The following OXR1 variants were observed in gnomAD, a reference collection of about 807,000 sequenced individuals.
The protein encoded by OXR1 is oxidation resistance 1, also known as oxidation resistance protein 1.
OXR1 carries 41 observed loss-of-function variants against 104.6 expected under a neutral mutation model. That is an observed-to-expected ratio of 0.39 (90% confidence interval 0.31 to 0.51). The LOEUF is 0.51. Among genes scored for constraint, OXR1 ranks in the 20% least tolerant of loss-of-function variants. The pLI is 0.77. For missense variants in OXR1, 955 were observed against 1,031.9 expected, an observed-to-expected ratio of 0.93 and a Z score of 1.02; for synonymous variants, 348 against 348.4, an observed-to-expected ratio of 1.00 and a Z score of 0.01.
chr8:106,349,524 G>T lies in OXR1; in HGVS notation c.-138-9952G>T, dbSNP rs561264722. On this transcript the variant is annotated intron_variant, in intron 1 of 16. Coordinates refer to ENST00000517566, the MANE Select transcript of OXR1 (RefSeq NM_001198533.2). ...CAAAACAGAAACGAAAACAACCTCG[G>T]ACTACCATTTAATAAAAAATCAGGG... 2.6e-5 allele frequency among the ~76,000 whole-genome samples: 4 copies of T among 152,164 alleles called. No homozygotes were observed. In the East Asian group the frequency reaches 5.8e-4, roughly 22 times the overall value.
At chr8:106,596,699 T>C (rs1819548950) in intron 3 of OXR1, among the ~76,000 whole-genome samples, 1 of 152,002 alleles carries the variant, frequency 6.6e-6, no homozygotes, top group Non-Finnish European at 1.5e-5. Flanking sequence ...ACTTTCCCAC[T>C]CCATAGAGTC....
intron 3 of OXR1, among the ~76,000 whole-genome samples, chr8:106,622,526 G>A (rs887653862): frequency 2.8e-5 from 4 of 144,958 alleles, no homozygotes; most frequent in South Asian, 2.2e-4. Context: ...ACTCCACTCC[G>A]ACTTCACTAG....
At chr8:106,282,643 A>G (rs1586468751) in intron 1 of OXR1, among the ~76,000 whole-genome samples, 2 of 152,246 alleles carry the variant, frequency 1.3e-5, no homozygotes, top group Non-Finnish European at 2.9e-5. Context: ...TATAAGGAAG[A>G]TAACATATGT....
At chr8:106,275,279 A>C (rs1811992107) in intron 1 of OXR1, among the ~76,000 whole-genome samples, 1 of 152,164 alleles carries the variant, frequency 6.6e-6, no homozygotes, top group African/African-American at 2.4e-5. Flanking sequence ...TTCCTTAGCA[A>C]ATGATTATTG....
At chr8:106,740,717 AAAG>A (rs1307680621) in intron 14 of OXR1, among the ~76,000 whole-genome samples, 3 of 152,174 alleles carry the variant, frequency 2.0e-5, no homozygotes, top group Non-Finnish European at 4.4e-5. Flanking sequence ...GAGTGGTAGA[AAAG>A]AACATTTGCA....
intron 2 of OXR1, among the ~76,000 whole-genome samples, chr8:106,462,350 T>C (rs1160924888): frequency 6.6e-6 from 1 of 152,212 alleles, no homozygotes; most frequent in Non-Finnish European, 1.5e-5. Flanking sequence ...TATTATGTTG[T>C]TCCTCTTAAT....
At chr8:106,633,571 C>CA (rs1291223624) in intron 3 of OXR1, among the ~76,000 whole-genome samples, 2 of 152,112 alleles carry the variant, frequency 1.3e-5, no homozygotes, top group Non-Finnish European at 2.9e-5. Context: ...AAGTGTAGAA[C>CA]AATGTTGGGC....
intron 2 of OXR1, among the ~76,000 whole-genome samples, chr8:106,367,246 G>A (rs1220389344): frequency 6.6e-6 from 1 of 151,632 alleles, no homozygotes; most frequent in African/African-American, 2.4e-5. Flanking sequence ...GTATTTTTTA[G>A]TAGAGAGAGG....
chr8:106,581,368 A>AT (rs1471070006), intron 3 of OXR1: 2 of 526,048 alleles, frequency 3.8e-6, no homozygotes, highest in Admixed American at 2.7e-5. Context: ...AATTAACCAA[A>AT]TAGAGTATTA....
chr8:106,713,886 C>T lies in OXR1; in HGVS notation c.1857C>T (p.Gly619=), dbSNP rs762129093. 3.8e-6 allele frequency: 6 copies of T among 1,590,018 alleles called. No individual in the cohort carries two copies. The highest frequency in any genetic ancestry group is 1.8e-5 in the Admixed American group (1 of 54,064). ...WSPEIYAEDT[G]EYTREPGFIV... is the part of the protein sequence containing the mutation. ...CAGAAATATATGCAGAAGATACTGG[C>T]GAATATACCAGAGAACCTGGATTTA... Residue 619 remains glycine, a synonymous_variant, in exon 11 of 17, where the codon GGC becomes GGT. Transcript: ENST00000517566.
At chr8:106,463,709 A>G (rs1222779047) in intron 2 of OXR1, among the ~76,000 whole-genome samples, 2 of 152,240 alleles carry the variant, frequency 1.3e-5, no homozygotes, top group Non-Finnish European at 2.9e-5. Flanking sequence ...GCTAAATTAC[A>G]TATCTGATCT....
intron 3 of OXR1, chr8:106,657,362 T>G (rs1454117915): frequency 1.3e-5 from 2 of 151,566 alleles, no homozygotes; most frequent in Non-Finnish European, 2.9e-5. Context: ...TTTTATGTAA[T>G]GCACTCCACC....
At chr8:106,409,183 G>T (rs7008981) in intron 2 of OXR1, among the ~76,000 whole-genome samples, 39,278 of 151,880 alleles carry the variant, frequency 0.26, 5,170 homozygotes, top group South Asian at 0.38. Context: ...CTTAGCTAAG[G>T]AAAATAGCAG....
intron 2 of OXR1, among the ~76,000 whole-genome samples, chr8:106,426,313 C>A (rs1445659750): frequency 6.6e-6 from 1 of 152,024 alleles, no homozygotes; most frequent in Admixed American, 6.6e-5. Context: ...TCTGGCATAT[C>A]CACTCTACTT....
intron 9 of OXR1, among the ~76,000 whole-genome samples, chr8:106,708,356 G>A (rs964388494): frequency 6.6e-6 from 1 of 152,130 alleles, no homozygotes; most frequent in Non-Finnish European, 1.5e-5. Context: ...CCATGATCAT[G>A]CCACTGCACT....
chr8:106,395,005 G>T (rs563314581), intron 2 of OXR1, among the ~76,000 whole-genome samples: 1 of 151,430 alleles, frequency 6.6e-6, no homozygotes, highest in African/African-American at 2.4e-5. Context: ...TAAAAGTAGT[G>T]GGGGGAAAAG....
At chr8:106,311,302 A>T (rs1389586897) in intron 1 of OXR1, among the ~76,000 whole-genome samples, 1 of 151,794 alleles carries the variant, frequency 6.6e-6, no homozygotes, top group African/African-American at 2.4e-5. Flanking sequence ...CTGTTCTTGC[A>T]TTGTTCCTTT....
chr8:106,447,600 G>T (rs1450073173), intron 2 of OXR1, among the ~76,000 whole-genome samples: 2 of 152,126 alleles, frequency 1.3e-5, no homozygotes. Flanking sequence ...AGAACACAAT[G>T]AATTACAGTG....
chr8:106,644,827 G>T (rs893904084), intron 3 of OXR1, among the ~76,000 whole-genome samples: 2 of 152,104 alleles, frequency 1.3e-5, no homozygotes, highest in Non-Finnish European at 2.9e-5. Flanking sequence ...GGCCGCAAAC[G>T]TGGCTTATAA....
Sources: allele counts gnomAD v4.1 joint callset (sites outside exome capture counted in the v4.1 genomes callset), GRCh38; gene constraint gnomAD v4.1.1; transcripts MANE v1.5; gene names NCBI Gene and HGNC (gene_info 2026-07-23, HGNC 2026-07-21).